FAM20A: variants seen among roughly 807,000 people sequenced by gnomAD.
The protein encoded by FAM20A is pseudokinase FAM20A.
A neutral mutation model predicts 52.0 loss-of-function variants in FAM20A; 42 were observed. The ratio of observed to expected loss-of-function variants is 0.81; its 90% CI spans 0.63 to 1.04. FAM20A has a LOEUF of 1.04. Ranked by LOEUF, FAM20A falls within the 50% of genes least tolerant of loss-of-function variation. The pLI, the probability that FAM20A is intolerant of heterozygous loss-of-function variation, is 0.00. For synonymous variants in FAM20A, 304 were observed against 298.9 expected, an observed-to-expected ratio of 1.02 and a Z score of -0.18; for missense variants, 742 against 712.7, an observed-to-expected ratio of 1.04 and a Z score of -0.47.
chr17:68,552,019 T>C, intron 3 of FAM20A, 68 bp from the exon 4 acceptor site: 3 of 1,002,782 alleles, frequency 3.0e-6, no homozygotes, highest in Non-Finnish European at 4.6e-6. Flanking sequence ...ACTCTGTTCC[T>C]TCAATAAGCC....
intron 8 of FAM20A, 94 bp from the exon 9 acceptor site, chr17:68,540,060 C>T: frequency 1.9e-6 from 2 of 1,069,634 alleles, no homozygotes; most frequent in South Asian, 2.6e-5. Context: ...GGCCTGTCAT[C>T]ACTTGAGAGA....
chr17:68,543,780 A>G, intron 4 of FAM20A, 59 bp from the exon 5 acceptor site: 1 of 1,408,366 alleles, frequency 7.1e-7, no homozygotes, highest in Non-Finnish European at 1.0e-6. Flanking sequence ...GCCTGAGAAG[A>G]GAGCTGATGA....
chr17:68,561,889 C>T (rs1048422702), intron 1 of FAM20A, among the ~76,000 whole-genome samples: 1 of 152,098 alleles, frequency 6.6e-6, no homozygotes, highest in African/African-American at 2.4e-5. Context: ...GTGGTATGAT[C>T]TTGGCTCACT....
At chr17:68,541,559 A>G in intron 7 of FAM20A, 1 of 194,284 alleles carries the variant, frequency 5.1e-6, no homozygotes, top group East Asian at 1.3e-4. Context: ...GGAGGGTGCT[A>G]GGTCCTGGGG....
Position 68,600,569 on chromosome 17 carries a change from C to T in FAM20A, c.98G>A (p.Arg33His). 1 of 1,558,036 alleles carries T rather than the reference C, an allele frequency of 6.4e-7. No individual in the cohort carries two copies. ...CGGGCGCTCCCGAGGCCGCAGCTGG[C>T]GCTGTACTTGGGGCCAGAGGTGGAA... ...LYFHLWPQVQ[R>H]QLRPRERPRG... The change falls in exon 1 of 11, where the codon CGC becomes CAC. Residue 33 changes from arginine to histidine, a missense_variant. Arg to His is a conservative substitution (Grantham distance 29, BLOSUM62 0). Coordinates refer to ENST00000592554, the MANE Select transcript of FAM20A (RefSeq NM_017565.4). This position sits in a 1 kb window ranked among gnomAD's most constrained non-coding sequence, Gnocchi z 6.2.
At chr17:68,596,028 TC>T (rs1567753848) in intron 1 of FAM20A, among the ~76,000 whole-genome samples, 1 of 152,130 alleles carries the variant, frequency 6.6e-6, no homozygotes, top group East Asian at 1.9e-4. Flanking sequence ...TCTCAAAGCA[TC>T]CCCCAGAAAA....
At chr17:68,577,078 G>A (rs971985355) in intron 1 of FAM20A, among the ~76,000 whole-genome samples, 4 of 152,200 alleles carry the variant, frequency 2.6e-5, no homozygotes, top group African/African-American at 9.7e-5. Flanking sequence ...TGGCTATAGA[G>A]CTAAGATCCA....
At chr17:68,546,824 C>T (rs1245105638) in intron 4 of FAM20A, among the ~76,000 whole-genome samples, 3 of 106,218 alleles carry the variant, frequency 2.8e-5, no homozygotes, top group East Asian at 3.0e-4. Flanking sequence ...TGCGAGACTA[C>T]GGCTCAAAAA....
At chr17:68,585,314 C>T (rs1568778989) in intron 1 of FAM20A, among the ~76,000 whole-genome samples, 1 of 65,374 alleles carries the variant, frequency 1.5e-5, no homozygotes, top group Non-Finnish European at 2.9e-5. Flanking sequence ...AAATAACAAA[C>T]ACTATGTTTA....
chr17:68,580,477 A>G lies in FAM20A; in HGVS notation c.404+19786T>C, dbSNP rs555864658. On this transcript the variant is annotated intron_variant, in intron 1 of 10. Transcript: ENST00000592554. Reference sequence around the variant, plus strand: ...ATGTTGCAATGCACCTCTTGTTTCCACTCCAGCTAACTGTGTCCTTAACCT... The same window carrying G: ...ATGTTGCAATGCACCTCTTGTTTCCGCTCCAGCTAACTGTGTCCTTAACCT... Among the ~76,000 whole-genome samples the G allele has an allele frequency of 1.7e-4, 26 of 152,090 alleles. 1 individual carries two copies. In the South Asian group the frequency reaches 4.8e-3, roughly 28 times the overall value.
chr17:68,563,147 A>G (rs898542013), intron 1 of FAM20A, among the ~76,000 whole-genome samples: 3 of 152,114 alleles, frequency 2.0e-5, no homozygotes, highest in African/African-American at 7.2e-5. Context: ...GCACTTTGGG[A>G]GGCTGAGGCG....
chr17:68,575,658 A>T (rs2087734152), intron 1 of FAM20A, among the ~76,000 whole-genome samples: 1 of 117,926 alleles, frequency 8.5e-6, no homozygotes, highest in Non-Finnish European at 1.6e-5. Context: ...TTTTATATAT[A>T]TTTTATATTT....
intron 1 of FAM20A, among the ~76,000 whole-genome samples, chr17:68,593,808 C>T (rs2088374454): frequency 6.6e-6 from 1 of 152,192 alleles, no homozygotes; most frequent in African/African-American, 2.4e-5. Flanking sequence ...CATGAAGCTC[C>T]AGACAGCTTC....
At position 68,537,665 on chromosome 17, in the gene FAM20A, A is replaced by G; in HGVS notation, c.1438T>C (p.Ser480Pro). 1 of 1,613,916 alleles carries G rather than the reference A, an allele frequency of 6.2e-7. No individual in the cohort carries two copies. The highest frequency in any genetic ancestry group is 1.1e-5 in the South Asian group (1 of 90,968). ...DYRLSDVMRESLLEDQLSPVL... is the reference protein window; with the variant it reads ...DYRLSDVMREPLLEDQLSPVL... ...GGGCTGAGCTGGTCTTCCAGCAGTG[A>G]TTCTCGCATCACATCGCTGAGTCTG... The change falls in exon 11 of 11, where the codon TCA becomes CCA. Residue 480 changes from serine to proline, a missense_variant. Ser to Pro is a moderately conservative substitution (Grantham distance 74, BLOSUM62 -1). Transcript: ENST00000592554. This position sits in a 1 kb window ranked among gnomAD's most constrained non-coding sequence, Gnocchi z 4.2.
rs1198558699 is a variant in FAM20A at position 68,600,896 on chromosome 17, C to T, written c.-230G>A. On this transcript the variant is annotated 5_prime_UTR_variant, in exon 1 of 11. Transcript: ENST00000592554. This position sits in a 1 kb window ranked among gnomAD's most constrained non-coding sequence, Gnocchi z 6.2. ...CTCTCGGAGTCAGCGGGCGTCGCTT[C>T]TCCGCGCCGAGTGAGCCGAGGGAAT... 1 of 498,086 alleles carries T rather than the reference C, an allele frequency of 2.0e-6. No individual in the cohort carries two copies. The highest frequency in any genetic ancestry group is 2.0e-5 in the African/African-American group (1 of 48,864). The allele number at this position is 498,086 out of a possible 1,614,324, so 30.9% of individuals were successfully genotyped here.
At chr17:68,560,072 C>G (rs2087167002) in intron 1 of FAM20A, among the ~76,000 whole-genome samples, 1 of 152,158 alleles carries the variant, frequency 6.6e-6, no homozygotes, top group African/African-American at 2.4e-5. Flanking sequence ...GCAGAGCCCT[C>G]ATGGGTGGGA....
chr17:68,560,006 C>A (rs1360089879), intron 1 of FAM20A, among the ~76,000 whole-genome samples: 2 of 152,154 alleles, frequency 1.3e-5, no homozygotes, highest in East Asian at 3.8e-4. Context: ...GAAACCTAAT[C>A]CCCAGTATGA....
At chr17:68,598,775 G>A (rs1393772462) in intron 1 of FAM20A, among the ~76,000 whole-genome samples, 2 of 152,314 alleles carry the variant, frequency 1.3e-5, no homozygotes, top group Non-Finnish European at 2.9e-5. Flanking sequence ...CCACAGAAAT[G>A]TGACTAAATG....
At chr17:68,571,228 T>C (rs1267436723) in intron 1 of FAM20A, among the ~76,000 whole-genome samples, 1 of 152,254 alleles carries the variant, frequency 6.6e-6, no homozygotes, top group Non-Finnish European at 1.5e-5. Flanking sequence ...TGGAGCCATG[T>C]GCTTTCTTCC....
Sources: gnomAD v4.1 joint callset for allele counts (sites outside exome capture counted in the v4.1 genomes callset) on GRCh38, gnomAD v4.1.1 for gene constraint, Gnocchi (gnomAD v3.1) non-coding constraint, MANE v1.5 for transcripts, NCBI Gene and HGNC (gene_info 2026-07-23, HGNC 2026-07-21) for gene names.